RBFOX2: variants seen among roughly 807,000 people sequenced by gnomAD.
RBFOX2 encodes the protein RNA binding protein fox-1 homolog 2.
In RBFOX2, 10 loss-of-function variants were observed where a neutral mutation model predicts 49.1. The observed-to-expected ratio is 0.20, with a 90% CI of 0.13 to 0.35. The LOEUF is 0.35. Ranked by LOEUF, RBFOX2 falls within the 10% of genes least tolerant of loss-of-function variation. The pLI is 1.00. For missense variants in RBFOX2, 323 were observed against 486.9 expected (o/e 0.66, Z 3.17); for synonymous variants, 183 against 187.4 (o/e 0.98, Z 0.19).
At chr22:35,897,528 GGGA>G in intron 1 of RBFOX2, 2 of 826,126 alleles carry the variant, frequency 2.4e-6, no homozygotes, top group Non-Finnish European at 4.3e-6. Context: ...CAAGGGGTAC[GGGA>G]GGAAGTACCC....
At chr22:35,778,643 TAA>T (rs869152938) in intron 3 of RBFOX2, among the ~76,000 whole-genome samples, 3 of 144,440 alleles carry the variant, frequency 2.1e-5, no homozygotes, top group Admixed American at 6.9e-5. Context: ...TAATTTGCTT[TAA>T]AAAAAAAAAA....
At chr22:35,795,579 A>G (rs1175483810) in intron 2 of RBFOX2, among the ~76,000 whole-genome samples, 1 of 146,592 alleles carries the variant, frequency 6.8e-6, no homozygotes, top group Non-Finnish European at 1.5e-5. Flanking sequence ...ATAATAGAGA[A>G]GTGAAAGAAA....
chr22:35,801,572 C>T (rs1476473538), intron 2 of RBFOX2, among the ~76,000 whole-genome samples: 1 of 152,128 alleles, frequency 6.6e-6, no homozygotes, highest in Non-Finnish European at 1.5e-5. Flanking sequence ...CACCTGCAAT[C>T]CCAGCACTTT....
At chr22:35,941,052 G>T (rs1317348390), upstream of RBFOX2, among the ~76,000 whole-genome samples, 1 of 152,034 alleles carries the variant, frequency 6.6e-6, no homozygotes, top group Non-Finnish European at 1.5e-5. Context: ...AACACTAAAA[G>T]CACTTCATAA....
chr22:35,745,337 C>T (rs1443864930), intron 11 of RBFOX2, among the ~76,000 whole-genome samples: 2 of 152,136 alleles, frequency 1.3e-5, no homozygotes, highest in Admixed American at 6.5e-5. Context: ...GGTGGTTGGT[C>T]AGAAGAAATT....
At chr22:35,861,134 C>G (rs115445342) in intron 1 of RBFOX2, among the ~76,000 whole-genome samples, 6 of 152,070 alleles carry the variant, frequency 3.9e-5, no homozygotes, top group African/African-American at 1.4e-4. Flanking sequence ...TGAAAAGAAA[C>G]GAGATTTATA....
chr22:35,741,157 G>A (rs1929763525), exon 12 of RBFOX2: 1 of 152,246 alleles, frequency 6.6e-6, no homozygotes, highest in South Asian at 2.1e-4. Context: ...GTGACATGAG[G>A]AATTCTGGAA....
chr22:36,005,980 A>G (rs1312165016), intron 1 of RBFOX2, among the ~76,000 whole-genome samples: 2 of 152,224 alleles, frequency 1.3e-5, no homozygotes, highest in African/African-American at 4.8e-5. Flanking sequence ...GTTTAGTTCA[A>G]GCTTTCCAGA....
chr22:35,834,428 G>A (rs1198671315), intron 1 of RBFOX2, among the ~76,000 whole-genome samples: 1 of 152,180 alleles, frequency 6.6e-6, no homozygotes, highest in Non-Finnish European at 1.5e-5. Context: ...GACTGCTGAC[G>A]AGGATCCTGA....
In RBFOX2 at chr22:35,883,466, T is replaced by A. The variant is rs2046184035; in HGVS notation, c.-34+55381A>T. ...CCTTCTCAGGTCTTAACAGCAGGCT[T>A]TAAAGGCACAGTCTTGGCTTTATCT... On this transcript the variant is annotated intron_variant, in intron 1 of 13. Coordinates refer to the RBFOX2 transcript ENST00000359369. Among the ~76,000 whole-genome samples the A allele has an allele frequency of 2.0e-5, 3 of 152,212 alleles. No homozygotes were observed. In the South Asian group the frequency reaches 6.2e-4, roughly 32 times the overall value.
intron 1 of RBFOX2, among the ~76,000 whole-genome samples, chr22:35,820,238 CGGCAAA>C (rs962339504): frequency 6.6e-6 from 1 of 152,140 alleles, no homozygotes; most frequent in African/African-American, 2.4e-5. Context: ...ATGTACCACT[CGGCAAA>C]GGCAAAGGCA....
chr22:36,002,976 G>A (rs980003597), intron 1 of RBFOX2, among the ~76,000 whole-genome samples: 3 of 152,132 alleles, frequency 2.0e-5, no homozygotes, highest in African/African-American at 7.2e-5. Flanking sequence ...TTTTCCAATC[G>A]CTAACTTGCA....
intron 1 of RBFOX2, among the ~76,000 whole-genome samples, chr22:36,026,815 G>A (rs2059456663): frequency 1.3e-5 from 2 of 152,082 alleles, no homozygotes; most frequent in South Asian, 2.1e-4. Flanking sequence ...GAAGTAACAG[G>A]GTAAACTCTG....
chr22:35,773,547 C>T (rs1943200855), intron 4 of RBFOX2, among the ~76,000 whole-genome samples: 1 of 151,894 alleles, frequency 6.6e-6, no homozygotes. Context: ...ATATGTACAT[C>T]TAATATCTAT....
intron 1 of RBFOX2, among the ~76,000 whole-genome samples, chr22:35,950,322 T>C (rs1191445632): frequency 3.3e-5 from 5 of 152,082 alleles, no homozygotes; most frequent in Admixed American, 2.6e-4. Flanking sequence ...TACTTTTCCT[T>C]TGCAAAGCAT....
intron 1 of RBFOX2, among the ~76,000 whole-genome samples, chr22:35,889,000 C>G (rs1603439539): frequency 1.3e-5 from 2 of 151,972 alleles, no homozygotes; most frequent in Admixed American, 6.6e-5. Flanking sequence ...ATTAAAAATA[C>G]AAAAATTAGC....
chr22:35,990,989 G>C (rs1175707902), intron 1 of RBFOX2, among the ~76,000 whole-genome samples: 1 of 152,106 alleles, frequency 6.6e-6, no homozygotes, highest in Non-Finnish European at 1.5e-5. Context: ...GCCAAGCATG[G>C]TGTTGCACAC....
At chr22:36,028,371 C>A (rs757510683) in exon 1 of RBFOX2, 2 of 1,372,526 alleles carry the variant, frequency 1.5e-6, no homozygotes, top group African/African-American at 1.5e-5. Context: ...ATGCCCCGGG[C>A]GGCGGCGCCG....
chr22:35,922,639 C>T (rs2051157545), intron 1 of RBFOX2, among the ~76,000 whole-genome samples: 1 of 150,776 alleles, frequency 6.6e-6, no homozygotes, highest in South Asian at 2.1e-4. Context: ...TTTTGTAGAA[C>T]CCACACACAG....
Sources: gnomAD v4.1 joint callset for allele counts (sites outside exome capture counted in the v4.1 genomes callset) on GRCh38, gnomAD v4.1.1 for gene constraint, MANE v1.5 for transcripts, NCBI Gene and HGNC (gene_info 2026-07-23, HGNC 2026-07-21) for gene names.